Variants in ANO10 observed in about 807,000 individuals in gnomAD.
The protein encoded by ANO10 is anoctamin 10.
ANO10 carries 77 observed loss-of-function variants against 74.7 expected under a neutral mutation model. The ratio of observed to expected loss-of-function variants is 1.03; its 90% CI spans 0.86 to 1.25. ANO10 has a LOEUF of 1.25. Ranked by LOEUF, ANO10 falls within the 50% of genes most tolerant of loss-of-function variation. The pLI is 0.00. For synonymous variants in ANO10, 279 were observed against 284.9 expected (o/e 0.98, Z 0.21); for missense variants, 721 against 778.1 (o/e 0.93, Z 0.87).
chr3:43,565,731 CCAA>C lies in ANO10; in HGVS notation c.1219-7_1219-5del. 3 of 1,468,316 alleles carry C rather than the reference CCAA, an allele frequency of 2.0e-6. No individual in the cohort carries two copies. Among genetic ancestry groups the C allele is most frequent in the Admixed American group, 2.4e-5 (1 of 42,058 alleles). 91.0% of individuals were successfully genotyped at this position (1,468,316 alleles called of 1,614,324 possible). A position where few individuals can be genotyped will look rare whatever the true frequency, so the allele number is the denominator to read the frequency against. ...CAAAGCAATTGAGGAAGTTGAACTG[CCAA>C]AAAAAAAAAAAAAAAAGATAAGTGT... On this transcript the variant is annotated splice_region_variant and splice_polypyrimidine_tract_variant and intron_variant, in intron 7 of 12. Coordinates refer to ENST00000292246, the MANE Select transcript of ANO10 (RefSeq NM_018075.5).
chr3:43,404,280 G>A (rs1444740512), intron 12 of ANO10, among the ~76,000 whole-genome samples: 1 of 152,150 alleles, frequency 6.6e-6, no homozygotes, highest in Non-Finnish European at 1.5e-5. Flanking sequence ...GAAACTGCAG[G>A]TGGCCTCCAG....
At chr3:43,482,513 T>C (rs2076313189) in intron 11 of ANO10, among the ~76,000 whole-genome samples, 1 of 152,084 alleles carries the variant, frequency 6.6e-6, no homozygotes, top group Non-Finnish European at 1.5e-5. Context: ...ACTCTGCCCT[T>C]AGGAACTGCT....
chr3:43,533,652 A>C (rs548120423), intron 11 of ANO10, among the ~76,000 whole-genome samples: 1 of 152,340 alleles, frequency 6.6e-6, no homozygotes, highest in South Asian at 2.1e-4. Flanking sequence ...ATTCATAAGC[A>C]GTTCTTGCTT....
At chr3:43,533,057 G>T (rs1021031845) in intron 11 of ANO10, among the ~76,000 whole-genome samples, 1 of 152,214 alleles carries the variant, frequency 6.6e-6, no homozygotes, top group East Asian at 1.9e-4. Flanking sequence ...TAGAGCCCAA[G>T]ACTTCATCAA....
chr3:43,683,583 A>G (rs1400635915), intron 1 of ANO10, among the ~76,000 whole-genome samples: 1 of 152,246 alleles, frequency 6.6e-6, no homozygotes, highest in African/African-American at 2.4e-5. Flanking sequence ...AAAATACTTT[A>G]AAGTTCATAT....
chr3:43,627,537 T>C (rs775162643), intron 1 of ANO10, among the ~76,000 whole-genome samples: 1 of 152,254 alleles, frequency 6.6e-6, no homozygotes, highest in Non-Finnish European at 1.5e-5. Context: ...GAATAAGGAC[T>C]GAAACTTGTG....
At chr3:43,626,423 C>T (rs892585406), upstream of ANO10, among the ~76,000 whole-genome samples, 8 of 151,796 alleles carry the variant, frequency 5.3e-5, no homozygotes, top group East Asian at 3.9e-4. Context: ...CTCAGCCTCC[C>T]GAGTAGCTGG....
At chr3:43,423,398 GGCCCTATGCTGGGTGAGGGGACTCAGCA>G (rs2092849512) in intron 12 of ANO10, among the ~76,000 whole-genome samples, 1 of 152,214 alleles carries the variant, frequency 6.6e-6, no homozygotes, top group South Asian at 2.1e-4. Context: ...TTGGGCGCCA[GGCCCTATGCTGGGTGAGGGGACTCAGCA>G]GTGAGTGAGT....
rs576332394 is a variant in ANO10 at position 43,542,886 on chromosome 3, G to A, written c.1797+6834C>T. On this transcript the variant is annotated intron_variant, in intron 11 of 12. Transcript: ENST00000292246. The stretch of plus-strand genomic sequence containing the variant: ...ACATATACAACCTCATCTATGCCTC[G>A]CCTTGTGAGAGTGGTAACAAGACCT... Among the ~76,000 whole-genome samples, 21 of 152,244 alleles carry A rather than the reference G, an allele frequency of 1.4e-4. 1 individual carries two copies. In the South Asian group the frequency reaches 3.3e-3, roughly 24 times the overall value.
At chr3:43,504,304 A>AGGTAGG (rs1559623101) in intron 11 of ANO10, among the ~76,000 whole-genome samples, 1 of 41,014 alleles carries the variant, frequency 2.4e-5, no homozygotes, top group East Asian at 1.3e-3. Context: ...AGGTAGGTAG[A>AGGTAGG]TAGATAGATA....
At chr3:43,654,172 C>T (rs2083820693) in intron 1 of ANO10, among the ~76,000 whole-genome samples, 1 of 152,044 alleles carries the variant, frequency 6.6e-6, no homozygotes, top group Non-Finnish European at 1.5e-5. Flanking sequence ...TTGAGAGGGA[C>T]ATTCTGGAAT....
intron 12 of ANO10, among the ~76,000 whole-genome samples, chr3:43,426,960 C>T (rs939325760): frequency 2.0e-5 from 3 of 152,172 alleles, no homozygotes; most frequent in African/African-American, 7.2e-5. Context: ...TTCCCACATT[C>T]ATTTCAGCAA....
rs568994322 is a variant in ANO10, at chr3:43,517,727, T to C, written c.1797+31993A>G. Reference sequence around the variant, plus strand: ...CAGTCTGTGTTATTGTGCAAACTAATGCATACTACGTGTGACCAAAATGAG... The same window carrying C: ...CAGTCTGTGTTATTGTGCAAACTAACGCATACTACGTGTGACCAAAATGAG... On this transcript the variant is annotated intron_variant, in intron 11 of 12. Transcript: ENST00000292246. Among the ~76,000 whole-genome samples, 6 of 152,356 alleles carry C rather than the reference T, an allele frequency of 3.9e-5. No homozygotes were observed. The East Asian group carries it at 1.2e-3, about 29-fold the overall frequency.
intron 4 of ANO10, among the ~76,000 whole-genome samples, chr3:43,590,294 T>C (rs1330322972): frequency 6.6e-6 from 1 of 152,062 alleles, no homozygotes; most frequent in Non-Finnish European, 1.5e-5. Flanking sequence ...GTAAAAATAA[T>C]AATTTATCCT....
chr3:43,683,582 T>C lies in ANO10; in HGVS notation c.-12+7935A>G, dbSNP rs570196407. On this transcript the variant is annotated intron_variant, in intron 1 of 3. Coordinates refer to the ANO10 transcript ENST00000413397. ...TTCACAGAATTGGAAAAAAATACTTTAAAGTTCATATGGAACCAAAAAAGA... is the reference window on the plus strand; with the variant it reads ...TTCACAGAATTGGAAAAAAATACTTCAAAGTTCATATGGAACCAAAAAAGA... Among the ~76,000 whole-genome samples, 528 of 152,286 alleles carry C rather than the reference T, an allele frequency of 3.5e-3. 2 individuals carry two copies. The highest frequency in any genetic ancestry group is 0.012 in the African/African-American group (488 of 41,548).
At chr3:43,660,479 G>A (rs1478268968) in intron 1 of ANO10, among the ~76,000 whole-genome samples, 1 of 151,970 alleles carries the variant, frequency 6.6e-6, no homozygotes, top group Non-Finnish European at 1.5e-5. Flanking sequence ...ATTCGATCAA[G>A]CAGAAGAAAG....
intron 8 of ANO10, among the ~76,000 whole-genome samples, chr3:43,564,294 A>C (rs1248791875): frequency 2.6e-5 from 4 of 152,090 alleles, no homozygotes; most frequent in African/African-American, 9.7e-5. Flanking sequence ...TCAGCCTCCT[A>C]AAGTGCTGGG....
At chr3:43,612,140 T>TTATATATATA (rs55675402) in intron 1 of ANO10, among the ~76,000 whole-genome samples, 6 of 64,558 alleles carry the variant, frequency 9.3e-5, no homozygotes, top group Non-Finnish European at 1.6e-4. Context: ...ATTAAATATT[T>TTATATATATA]TATATATATA....
At chr3:43,667,071 T>C (rs1236073977) in intron 1 of ANO10, among the ~76,000 whole-genome samples, 1 of 97,820 alleles carries the variant, frequency 1.0e-5, no homozygotes, top group Non-Finnish European at 2.1e-5. Flanking sequence ...ATACAATGCA[T>C]GTTTTTTTTT....
Sources: gnomAD v4.1 joint callset for allele counts (sites outside exome capture counted in the v4.1 genomes callset) on GRCh38, gnomAD v4.1.1 for gene constraint, MANE v1.5 for transcripts, NCBI Gene and HGNC (gene_info 2026-07-23, HGNC 2026-07-21) for gene names.